ATP2B2: variants seen among roughly 807,000 people sequenced by gnomAD.
ATP2B2 encodes ATPase plasma membrane Ca2+ transporting 2, also known as plasma membrane calcium-transporting ATPase 2.
In ATP2B2, 15 loss-of-function variants were observed where a neutral mutation model predicts 120.0. That is an observed-to-expected ratio of 0.12 (90% CI 0.08 to 0.19). ATP2B2 has a LOEUF of 0.19. Among genes scored for constraint, ATP2B2 ranks in the 10% least tolerant of loss-of-function variants. The probability of loss-of-function intolerance (pLI) is 1.00; values close to 1 mark genes in which losing one functional copy is unlikely to be tolerated. For synonymous variants in ATP2B2, 694 were observed against 700.3 expected (o/e 0.99, Z 0.14); for missense variants, 1,045 against 1,719.8 (o/e 0.61, Z 6.94).
rs574540033 is a variant in ATP2B2 at position 10,346,210 on chromosome 3, G to A, written c.2405-73C>T. The A allele has an allele frequency of 1.3e-4, 185 of 1,471,382 alleles. No homozygotes were observed. Among genetic ancestry groups the A allele is most frequent in the African/African-American group, 1.0e-3 (73 of 72,242 alleles). 91.1% of individuals were successfully genotyped at this position (1,471,382 alleles called of 1,614,324 possible). On this transcript the variant is annotated intron_variant, in intron 16 of 22. Coordinates refer to ENST00000360273, the MANE Select transcript of ATP2B2 (RefSeq NM_001001331.4). This position sits in a 1 kb window ranked among gnomAD's most constrained non-coding sequence, Gnocchi z 4.1. ...GCAGCCTGGGCCAGCCCTGGTCCTC[G>A]GGAGGGGCCTGGCTGGGCATGGCTT...
chr3:10,449,165 G>A (rs2063942267), intron 2 of ATP2B2, among the ~76,000 whole-genome samples, 180 bp downstream of exon 2: 1 of 152,198 alleles, frequency 6.6e-6, no homozygotes, highest in South Asian at 2.1e-4. Flanking sequence ...ATGAAGCCCT[G>A]CTCCCCAGCC....
At chr3:10,523,208 T>C (rs1213205840) in intron 3 of ATP2B2, among the ~76,000 whole-genome samples, 1 of 152,176 alleles carries the variant, frequency 6.6e-6, no homozygotes, top group Admixed American at 6.5e-5. Context: ...TGAGTTATGA[T>C]TTTGTCTCCA....
At chr3:10,392,781 C>T (rs922223024) in intron 5 of ATP2B2, among the ~76,000 whole-genome samples, 31 of 152,262 alleles carry the variant, frequency 2.0e-4, no homozygotes, top group African/African-American at 7.5e-4. Context: ...ACCTTGGGGC[C>T]AGCCCCTCTC....
In ATP2B2 at chr3:10,375,371, C is replaced by T; in HGVS notation, c.1416+59G>A. 6.8e-7 allele frequency: 1 copy of T among 1,461,778 alleles called. No homozygotes were observed. The highest frequency in any genetic ancestry group is 9.5e-7 in the Non-Finnish European group (1 of 1,050,806). 90.6% of individuals were successfully genotyped at this position (1,461,778 alleles called of 1,614,324 possible). On this transcript the variant is annotated intron_variant, in intron 11 of 22. Coordinates refer to ENST00000360273, the MANE Select transcript of ATP2B2 (RefSeq NM_001001331.4). The surrounding 1 kb of genome is among the most constrained non-coding windows in gnomAD (Gnocchi z 4.2). ...ACCCCAGCACCAGCCCCAGTGATTC[C>T]CCCAGGCCCTCAGCTGCAGCTGCAT...
intron 2 of ATP2B2, among the ~76,000 whole-genome samples, chr3:10,571,345 G>A (rs1383058925): frequency 6.6e-6 from 1 of 152,248 alleles, no homozygotes; most frequent in African/African-American, 2.4e-5. Context: ...CAGAGGGCCA[G>A]GTAGGTGACT....
At chr3:10,630,657 A>G (rs1307559049) in intron 1 of ATP2B2, among the ~76,000 whole-genome samples, 1 of 152,210 alleles carries the variant, frequency 6.6e-6, no homozygotes, top group Non-Finnish European at 1.5e-5. Context: ...CCAGAGCCCC[A>G]GTTTCCTCAT....
At chr3:10,419,713 C>T (rs2062908795) in intron 2 of ATP2B2, among the ~76,000 whole-genome samples, 1 of 152,210 alleles carries the variant, frequency 6.6e-6, no homozygotes, top group South Asian at 2.1e-4. Flanking sequence ...TATGCAGATG[C>T]ACACACTGAG....
chr3:10,690,439 T>A (rs1028649549), intron 1 of ATP2B2, among the ~76,000 whole-genome samples: 20 of 147,144 alleles, frequency 1.4e-4, no homozygotes, highest in Non-Finnish European at 2.8e-4. Context: ...TCTATATCTA[T>A]CTATCTATCT....
At position 10,375,183 on chromosome 3, in the gene ATP2B2, C is replaced by T. The variant is rs1045267170; in HGVS notation, c.1416+247G>A. ...CTGGGCCTGCACCCCTGCAAGGCGG[C>T]GTGTGGCTGGGCTGAATAACAGCTG... On this transcript the variant is annotated intron_variant, in intron 11 of 22. Transcript: ENST00000360273. The surrounding 1 kb of genome is among the most constrained non-coding windows in gnomAD (Gnocchi z 4.2). Among the ~76,000 whole-genome samples the T allele has an allele frequency of 1.3e-5, 2 of 152,190 alleles. No individual in the cohort carries two copies. The highest frequency in any genetic ancestry group is 2.4e-5 in the African/African-American group (1 of 41,444).
At chr3:10,530,974 A>G (rs7618217) in intron 3 of ATP2B2, among the ~76,000 whole-genome samples, 1 of 151,938 alleles carries the variant, frequency 6.6e-6, no homozygotes, top group Non-Finnish European at 1.5e-5. Context: ...TTTTCCATAA[A>G]CGTTTTCTGA....
chr3:10,572,950 T>C (rs1454708256), intron 2 of ATP2B2, among the ~76,000 whole-genome samples: 1 of 152,178 alleles, frequency 6.6e-6, no homozygotes, highest in African/African-American at 2.4e-5. Context: ...AGGAACACAA[T>C]AAGGCTTCAT....
chr3:10,601,061 G>T (rs1287130548), intron 2 of ATP2B2, among the ~76,000 whole-genome samples: 1 of 152,194 alleles, frequency 6.6e-6, no homozygotes, highest in African/African-American at 2.4e-5. Flanking sequence ...ACCCCTGTGG[G>T]TCTGTGAGCC....
rs571305807 is a variant in ATP2B2 at position 10,343,777 on chromosome 3, C to A, written c.2704-812G>T. Among the ~76,000 whole-genome samples the A allele has an allele frequency of 6.6e-6, 1 of 152,232 alleles. No homozygotes were observed. The highest frequency in any genetic ancestry group is 3.4e-3 in the Middle Eastern group (1 of 294). Reference sequence around the variant, plus strand: ...CTCTTCTCGGCCAGATGTCACTGACCTCGCCCCTGCACTCCCACTTGTAAT... The same window carrying A: ...CTCTTCTCGGCCAGATGTCACTGACATCGCCCCTGCACTCCCACTTGTAAT... On this transcript the variant is annotated intron_variant, in intron 18 of 22. Transcript: ENST00000360273. The surrounding 1 kb of genome is among the most constrained non-coding windows in gnomAD (Gnocchi z 4.2).
intron 1 of ATP2B2, among the ~76,000 whole-genome samples, chr3:10,481,998 G>A (rs139161840): frequency 1.3e-5 from 2 of 152,314 alleles, no homozygotes; most frequent in African/African-American, 4.8e-5. Flanking sequence ...CTCGGACTGA[G>A]GGGTGTCCTG....
At position 10,379,192 on chromosome 3, in the gene ATP2B2, G is replaced by A. The variant is rs371119193; in HGVS notation, c.1042+51C>T. On this transcript the variant is annotated intron_variant, in intron 9 of 22. Transcript: ENST00000360273. ...GTCTCTGGTGTGACTGTCAGAGCCG[G>A]TGGGGAGGGGCCTCAGGGACGACAA... The A allele has an allele frequency of 2.6e-4, 417 of 1,590,722 alleles. 3 individuals are homozygous for A. The African/African-American group carries it at 5.0e-3, about 19-fold the overall frequency.
intron 3 of ATP2B2, among the ~76,000 whole-genome samples, chr3:10,526,160 C>T (rs958684575): frequency 2.6e-5 from 4 of 152,190 alleles, no homozygotes; most frequent in Non-Finnish European, 4.4e-5. Flanking sequence ...CTCCTTACAG[C>T]AAACCCCATC....
intron 2 of ATP2B2, among the ~76,000 whole-genome samples, chr3:10,575,176 C>T (rs968398267): frequency 6.6e-6 from 1 of 152,284 alleles, no homozygotes; most frequent in Non-Finnish European, 1.5e-5. Context: ...CCCAACCCCT[C>T]CTCCCACCAC....
intron 10 of ATP2B2, among the ~76,000 whole-genome samples, chr3:10,376,300 CA>C (rs2061378716): frequency 6.6e-6 from 1 of 152,062 alleles, no homozygotes; most frequent in South Asian, 2.1e-4. Flanking sequence ...ACATGGGGGA[CA>C]GGGGTAGGGA....
chr3:10,582,307 C>G (rs564868616), intron 2 of ATP2B2, among the ~76,000 whole-genome samples: 1 of 152,018 alleles, frequency 6.6e-6, no homozygotes, highest in South Asian at 2.1e-4. Flanking sequence ...TGATTCAACC[C>G]CCAAGTTGAC....
Sources: allele counts gnomAD v4.1 joint callset (sites outside exome capture counted in the v4.1 genomes callset), GRCh38; gene constraint gnomAD v4.1.1; non-coding constraint Gnocchi (gnomAD v3.1); transcripts MANE v1.5; gene names NCBI Gene and HGNC (gene_info 2026-07-23, HGNC 2026-07-21).